The following TACC2 variants were observed in gnomAD, a reference collection of about 807,000 sequenced individuals.
The protein encoded by TACC2 is transforming acidic coiled-coil-containing protein 2.
In TACC2, 137 loss-of-function variants were observed where a neutral mutation model predicts 227.3. The ratio of observed to expected loss-of-function variants is 0.60; its 90% CI spans 0.52 to 0.69. TACC2 has a LOEUF of 0.69. Ranked by LOEUF, TACC2 falls within the 30% of genes least tolerant of loss-of-function variation. The pLI is 0.00. For synonymous variants in TACC2, 1,523 were observed against 1,487.5 expected, an observed-to-expected ratio of 1.02 and a Z score of -0.55; for missense variants, 3,470 against 3,694.4, an observed-to-expected ratio of 0.94 and a Z score of 1.57.
At position 122,237,583 on chromosome 10, in the gene TACC2, A is replaced by G. The variant is rs555045617; in HGVS notation, c.8271+45A>G. On this transcript the variant is annotated intron_variant, in intron 17 of 22. Coordinates refer to ENST00000369005, the MANE Select transcript of TACC2 (RefSeq NM_206862.4). ...AATTACCCTCTTCCTGCCACTTATA[A>G]ATACGTATGCTCGTGGTCCACAAAG... The G allele has an allele frequency of 8.8e-6, 14 of 1,585,000 alleles. No individual in the cohort carries two copies. In the South Asian group the frequency reaches 1.6e-4, roughly 18 times the overall value.
Position 122,003,654 on chromosome 10 carries a change from C to CT in TACC2, c.-46+14178dup, listed in dbSNP as rs112354709. Among the ~76,000 whole-genome samples the CT allele has an allele frequency of 4.2e-3, 616 of 145,772 alleles. 7 individuals carry two copies. The highest frequency in any genetic ancestry group is 8.9e-3 in the African/African-American group (356 of 40,046). ...ATAGCCCTTTCCAAAACTAAACCAC[C>CT]TTTTTTTTTTTTCTTTTCTGAGATG... On this transcript the variant is annotated intron_variant, in intron 1 of 22. Transcript: ENST00000369005.
At chr10:122,008,419 C>T (rs1026277033) in intron 1 of TACC2, among the ~76,000 whole-genome samples, 1 of 151,766 alleles carries the variant, frequency 6.6e-6, no homozygotes, top group Non-Finnish European at 1.5e-5. Context: ...TGCCACCAGG[C>T]CTGGCTAATA....
At chr10:122,056,909 G>A (rs1236050833) in intron 3 of TACC2, among the ~76,000 whole-genome samples, 4 of 152,134 alleles carry the variant, frequency 2.6e-5, no homozygotes, top group Admixed American at 6.6e-5. Context: ...AACAAGGGCT[G>A]GGCTGGGCAC....
chr10:122,019,663 A>C (rs1486223778), intron 1 of TACC2: 1 of 152,300 alleles, frequency 6.6e-6, no homozygotes, highest in Non-Finnish European at 1.5e-5. Flanking sequence ...CCCTGTGGGC[A>C]GGAACGCTTG....
intron 7 of TACC2, chr10:122,163,512 A>T (rs1045634537): frequency 1.8e-5 from 17 of 953,314 alleles, no homozygotes; most frequent in South Asian, 4.8e-5. Flanking sequence ...GGAGCCCGCG[A>T]TGGAGCTTTG....
intron 3 of TACC2, among the ~76,000 whole-genome samples, chr10:122,072,826 T>C (rs1009542567): frequency 6.6e-6 from 1 of 151,962 alleles, no homozygotes; most frequent in African/African-American, 2.4e-5. Context: ...CATAAAAATA[T>C]AAATGAGGGC....
intron 5 of TACC2, among the ~76,000 whole-genome samples, chr10:122,090,733 A>G (rs7079313): frequency 6.6e-6 from 1 of 151,956 alleles, no homozygotes; most frequent in African/African-American, 2.4e-5. Flanking sequence ...AATCCTTAAA[A>G]AATTATTTAT....
chr10:122,138,581 T>G (rs544102629), intron 6 of TACC2, among the ~76,000 whole-genome samples: 3 of 152,354 alleles, frequency 2.0e-5, no homozygotes, highest in African/African-American at 7.2e-5. Context: ...AAAATGGATC[T>G]CCCAAAAGTC....
In TACC2 at chr10:122,094,425, C is replaced by T. The variant is rs185027668; in HGVS notation, c.5573+5834C>T. On this transcript the variant is annotated intron_variant, in intron 5 of 22. Transcript: ENST00000369005. ...TCCCAAGTAGCTGAGACTGCAGGTG[C>T]GCGCCACTACACCTAGCTAATTTTC... 8.1e-4 allele frequency among the ~76,000 whole-genome samples: 123 copies of T among 152,196 alleles called. 1 individual carries two copies. The highest frequency in any genetic ancestry group is 5.0e-3 in the South Asian group (24 of 4,812).
At chr10:122,026,300 T>G (rs1958003010) in intron 2 of TACC2, among the ~76,000 whole-genome samples, 1 of 113,082 alleles carries the variant, frequency 8.8e-6, no homozygotes, top group African/African-American at 3.6e-5. Context: ...GGCTACAGAG[T>G]GAGACTCTGT....
At chr10:122,105,482 C>A (rs897612266) in intron 5 of TACC2, among the ~76,000 whole-genome samples, 5 of 152,146 alleles carry the variant, frequency 3.3e-5, no homozygotes, top group Admixed American at 6.5e-5. Context: ...AGTTACTTTC[C>A]CTAATATACA....
At chr10:121,996,665 A>G (rs1953543241) in intron 1 of TACC2, among the ~76,000 whole-genome samples, 1 of 152,158 alleles carries the variant, frequency 6.6e-6, no homozygotes, top group South Asian at 2.1e-4. Flanking sequence ...GAATGACCAC[A>G]GTGGTCCCAG....
chr10:122,101,473 A>G (rs1000258424), intron 5 of TACC2, among the ~76,000 whole-genome samples: 3 of 151,322 alleles, frequency 2.0e-5, no homozygotes, highest in African/African-American at 7.3e-5. Context: ...ATAATCCAGC[A>G]CTTTGGGAGG....
At chr10:122,160,934 T>G (rs1005923476) in intron 7 of TACC2, among the ~76,000 whole-genome samples, 1 of 152,114 alleles carries the variant, frequency 6.6e-6, no homozygotes, top group Non-Finnish European at 1.5e-5. Context: ...CACATTCTAT[T>G]TGTTTCTCTC....
chr10:122,009,713 G>T (rs991499927), intron 1 of TACC2, among the ~76,000 whole-genome samples: 2 of 152,090 alleles, frequency 1.3e-5, no homozygotes, highest in African/African-American at 4.8e-5. Flanking sequence ...GGATCACAAG[G>T]TCAGGAGAGT....
chr10:122,064,252 T>A (rs1019525596), intron 3 of TACC2, among the ~76,000 whole-genome samples: 2 of 152,134 alleles, frequency 1.3e-5, no homozygotes, highest in East Asian at 3.8e-4. Flanking sequence ...TTCAGAACAG[T>A]TTTAGGTTAC....
chr10:122,210,883 C>T lies in TACC2; in HGVS notation c.6458C>T (p.Thr2153Met), dbSNP rs538567560. 3.7e-5 allele frequency: 59 copies of T among 1,613,142 alleles called. 1 individual carries two copies. In the Middle Eastern group the frequency reaches 1.6e-3, roughly 45 times the overall value. The change falls in exon 9 of 23, where the codon ACG becomes ATG. Residue 2153 changes from threonine (T) to methionine (M), a missense_variant. Thr to Met is a moderately conservative substitution (Grantham distance 81, BLOSUM62 -1). This residue lies in a region of TACC2 where 593 missense variants were observed against 636.6 expected (regional missense o/e 0.93). Transcript: ENST00000369005. This position sits in a 1 kb window ranked among gnomAD's most constrained non-coding sequence, Gnocchi z 4.6. ...KPTETPPVKE[T>M]QQEPDEESLV... is the part of the protein sequence containing the mutation. ...ACAGAGACCCCCCCAGTGAAGGAGA[C>T]GCAACAGGAGCCAGATGAAGAGAGC...
chr10:122,087,959 G>A lies in TACC2; in HGVS notation c.5459G>A (p.Arg1820Lys), dbSNP rs2080269616. 6.7e-7 allele frequency: 1 copy of A among 1,497,528 alleles called. No homozygotes were observed. The highest frequency in any genetic ancestry group is 8.9e-7 in the Non-Finnish European group (1 of 1,124,484). The allele number at this position is 1,497,528 out of a possible 1,614,324, so 92.8% of individuals were successfully genotyped here. A position where few individuals can be genotyped will look rare whatever the true frequency, so the allele number is the denominator to read the frequency against. The change falls in exon 4 of 23, where the codon AGA becomes AAA. Residue 1820 changes from arginine (R) to lysine (K), a missense_variant and splice_region_variant. Transcript: ENST00000369005. ...GCTCCAGAAGAGCTCCACACTGACAGGTACTTAAATGAAAAAATTCCCACG... is the reference window on the plus strand; with the variant it reads ...GCTCCAGAAGAGCTCCACACTGACAAGTACTTAAATGAAAAAATTCCCACG... ...HLAPEELHTDRESPRPGPSML... is the reference protein window; with the variant it reads ...HLAPEELHTDKESPRPGPSML...
At chr10:122,063,211 C>T (rs1257458538) in intron 3 of TACC2, among the ~76,000 whole-genome samples, 2 of 152,234 alleles carry the variant, frequency 1.3e-5, no homozygotes, top group African/African-American at 2.4e-5. Context: ...TTTTGCACAT[C>T]GGCCCGGGCC....
Sources: gnomAD v4.1 joint callset for allele counts (sites outside exome capture counted in the v4.1 genomes callset) on GRCh38, gnomAD v4.1.1 for gene constraint, gnomAD v4.1.1 regional missense constraint, Gnocchi (gnomAD v3.1) non-coding constraint, MANE v1.5 for transcripts, NCBI Gene and HGNC (gene_info 2026-07-23, HGNC 2026-07-21) for gene names.